Variants in PGAP3 observed in about 807,000 individuals in gnomAD.
PGAP3 encodes the protein post-GPI attachment to proteins phospholipase 3.
PGAP3 carries 31 observed loss-of-function variants against 40.3 expected under a neutral mutation model. The observed-to-expected ratio is 0.77, with a 90% CI of 0.58 to 1.04. The LOEUF (loss-of-function observed/expected upper bound fraction) is 1.04, where lower values mean the gene tolerates loss of function less well. Ranked by LOEUF, PGAP3 falls within the 50% of genes least tolerant of loss-of-function variation. PGAP3 has a pLI of 0.00. For missense variants in PGAP3, 413 were observed against 423.0 expected (o/e 0.98, Z 0.21); for synonymous variants, 191 against 184.5 (o/e 1.04, Z -0.29).
chr17:39,685,059 C>T (rs935771110), intron 2 of PGAP3, among the ~76,000 whole-genome samples: 2 of 152,182 alleles, frequency 1.3e-5, no homozygotes, highest in African/African-American at 4.8e-5. Context: ...ATCCAGAAGA[C>T]ACAGGTCCCA....
intron 3 of PGAP3, among the ~76,000 whole-genome samples, chr17:39,677,441 T>C (rs575331058): frequency 1.3e-5 from 2 of 152,256 alleles, no homozygotes; most frequent in African/African-American, 4.8e-5. Context: ...TCCTCCTTCC[T>C]CTGGAGCCAT....
chr17:39,677,584 C>T (rs1478171408), intron 3 of PGAP3, among the ~76,000 whole-genome samples: 1 of 152,114 alleles, frequency 6.6e-6, no homozygotes, highest in African/African-American at 2.4e-5. Context: ...TACTCTCGGA[C>T]TCCTTGCCAC....
chr17:39,686,774 G>C (rs562601900), intron 1 of PGAP3, among the ~76,000 whole-genome samples: 20 of 152,052 alleles, frequency 1.3e-4, no homozygotes, highest in African/African-American at 4.6e-4. Context: ...TTGAACTCCA[G>C]GGCTCAGATG....
rs780641457 is a variant in PGAP3 at position 39,684,736 on chromosome 17, C to T, written c.293G>A (p.Arg98Gln). 9 of 1,606,406 alleles carry T rather than the reference C, an allele frequency of 5.6e-6. No homozygotes were observed. Among genetic ancestry groups the T allele is most frequent in the African/African-American group, 1.3e-5 (1 of 74,700 alleles). The change falls in exon 3 of 8, where the codon CGG (arginine) becomes CAG (glutamine). Residue 98 changes from arginine to glutamine, a missense_variant. Transcript: ENST00000300658. ...PQFHGKWPFS[R>Q]FLFFQEPASA... Reference sequence around the variant, plus strand: ...TGCCGGCTCTTGAAAGAACAGGAACCGGGAGAAGGGCCACTGAAAAAGGAG... The same window carrying T: ...TGCCGGCTCTTGAAAGAACAGGAACTGGGAGAAGGGCCACTGAAAAAGGAG...
intron 1 of PGAP3, 125 bp downstream of exon 1, chr17:39,687,709 C>T (rs954773498): frequency 2.2e-5 from 15 of 682,936 alleles, no homozygotes; most frequent in Non-Finnish European, 3.2e-5. Context: ...ACCTTAGGGG[C>T]TTCACTCACA....
chr17:39,673,266 G>C lies in PGAP3; in HGVS notation c.695-11C>G. On this transcript the variant is annotated splice_polypyrimidine_tract_variant and intron_variant, in intron 6 of 7. Transcript: ENST00000300658. ...CCACGTTGACCAGGCCTGGGTGCCA[G>C]TGGGGGCAGGAGAGACTCATTCCTT... 4 of 1,556,536 alleles carry C rather than the reference G, an allele frequency of 2.6e-6. No individual in the cohort carries two copies. The highest frequency in any genetic ancestry group is 3.5e-6 in the Non-Finnish European group (4 of 1,150,594).
chr17:39,674,114 G>A, intron 4 of PGAP3, 60 bp from the exon 5 acceptor site: 1 of 1,547,262 alleles, frequency 6.5e-7, no homozygotes, highest in South Asian at 1.1e-5. Context: ...GGACCCGCGG[G>A]GATGGGGGCA....
At chr17:39,679,560 C>T (rs1251361637) in intron 3 of PGAP3, among the ~76,000 whole-genome samples, 2 of 152,166 alleles carry the variant, frequency 1.3e-5, no homozygotes, top group African/African-American at 4.8e-5. Flanking sequence ...AAGCAGTGTC[C>T]GTGGAAGAAC....
At position 39,672,112 on chromosome 17, in the gene PGAP3, G is replaced by C. The variant is rs1350259046; in HGVS notation, c.*691C>G. On this transcript the variant is annotated 3_prime_UTR_variant, in exon 8 of 8. Transcript: ENST00000300658. The stretch of plus-strand genomic sequence containing the variant: ...GCCCTGTCACCTATGCACTCAGCCT[G>C]GCCCACACTCCCGACACACGGTGGC... The C allele has an allele frequency of 4.5e-5, 7 of 154,032 alleles. No homozygotes were observed. The highest frequency in any genetic ancestry group is 1.7e-4 in the African/African-American group (7 of 41,424). 9.5% of individuals were successfully genotyped at this position (154,032 alleles called of 1,614,324 possible).
chr17:39,672,973 A>G (rs1310165959), intron 7 of PGAP3, 78 bp downstream of exon 7: 11 of 1,573,188 alleles, frequency 7.0e-6, no homozygotes, highest in Non-Finnish European at 9.5e-6. Context: ...ATGGGCACAC[A>G]GAGCCCCCAA....
At position 39,684,722 on chromosome 17, in the gene PGAP3, G is replaced by T; in HGVS notation, c.307C>A (p.Gln103Lys). 2 of 1,610,866 alleles carry T rather than the reference G, an allele frequency of 1.2e-6. No homozygotes were observed. Among genetic ancestry groups the T allele is most frequent in the Non-Finnish European group, 1.7e-6 (2 of 1,178,638 alleles). Residue 103 changes from glutamine (Q) to lysine (K), a missense_variant, in exon 3 of 8, where the codon CAA becomes AAA. By Grantham distance (53) the Gln-to-Lys change is moderately conservative (BLOSUM62 1). Coordinates refer to ENST00000300658, the MANE Select transcript of PGAP3 (RefSeq NM_033419.5). ...KWPFSRFLFF[Q>K]EPASAVASFL... ...GAGGCCACGGCCGATGCCGGCTCTT[G>T]AAAGAACAGGAACCGGGAGAAGGGC...
chr17:39,673,884 G>T, intron 5 of PGAP3, 109 bp downstream of exon 5: 1 of 1,358,852 alleles, frequency 7.4e-7, no homozygotes, highest in Non-Finnish European at 1.0e-6. Flanking sequence ...GGGGTTGGGG[G>T]GCGTAGGTGT....
chr17:39,675,405 G>T (rs1343800613), intron 3 of PGAP3, among the ~76,000 whole-genome samples: 1 of 152,238 alleles, frequency 6.6e-6, no homozygotes, highest in East Asian at 1.9e-4. Flanking sequence ...AGAGCTTGTG[G>T]GCGTTGGTGC....
At chr17:39,675,065 C>A (rs1167323694) in intron 3 of PGAP3, among the ~76,000 whole-genome samples, 1 of 151,472 alleles carries the variant, frequency 6.6e-6, no homozygotes, top group East Asian at 1.9e-4. Flanking sequence ...CCCAGGGGAG[C>A]CAGTGACCTC....
chr17:39,672,915 G>A (rs760727655), intron 7 of PGAP3, 49 bp from the exon 8 acceptor site: 15 of 1,601,124 alleles, frequency 9.4e-6, no homozygotes, highest in East Asian at 4.5e-5. Flanking sequence ...CTGACAGCTC[G>A]CATGGAGACA....
rs776007577 is a variant in PGAP3 at position 39,672,761 on chromosome 17, C to T, written c.*42G>A. 14 of 1,579,480 alleles carry T rather than the reference C, an allele frequency of 8.9e-6. No homozygotes were observed. The highest frequency in any genetic ancestry group is 5.4e-5 in the African/African-American group (4 of 74,272). On this transcript the variant is annotated 3_prime_UTR_variant, in exon 8 of 8. Coordinates refer to ENST00000300658, the MANE Select transcript of PGAP3 (RefSeq NM_033419.5). Reference sequence around the variant, plus strand: ...GAGGGGAGAAGGGAGGCCAGCAGGGCGGGGGCAGGATCCCCACTGGGGCAG... The same window carrying T: ...GAGGGGAGAAGGGAGGCCAGCAGGGTGGGGGCAGGATCCCCACTGGGGCAG...
At position 39,687,908 on chromosome 17, in the gene PGAP3, C is replaced by T; in HGVS notation, c.107G>A (p.Cys36Tyr). The T allele has an allele frequency of 6.6e-7, 1 of 1,516,394 alleles. No individual in the cohort carries two copies. 93.9% of individuals were successfully genotyped at this position (1,516,394 alleles called of 1,614,324 possible). A position where few individuals can be genotyped will look rare whatever the true frequency, so the allele number is the denominator to read the frequency against. Residue 36 changes from cysteine to tyrosine, a missense_variant, in exon 1 of 8, where the codon TGC (cysteine) becomes TAC (tyrosine). Transcript: ENST00000300658. ...EPVYRDCVLQCEEQNCSGGAL... is the reference protein window; with the variant it reads ...EPVYRDCVLQYEEQNCSGGAL... ...GCCCCCAGAGCAGTTCTGCTCTTCG[C>T]ACTGCAGTACGCAGTCGCGGTACAC...
intron 3 of PGAP3, among the ~76,000 whole-genome samples, chr17:39,675,943 C>A (rs892447891): frequency 6.6e-6 from 1 of 152,180 alleles, no homozygotes. Context: ...AAGCTTCCCC[C>A]GGGACAAATC....
In PGAP3 at chr17:39,673,637, G is replaced by A; in HGVS notation, c.571C>T (p.Gln191Ter). 6.2e-7 allele frequency: 1 copy of A among 1,613,996 alleles called. No individual in the cohort carries two copies. The highest frequency in any genetic ancestry group is 8.5e-7 in the Non-Finnish European group (1 of 1,180,002). ...AAGGCACTGACCACAGCTGGGTGCTGCAGCCCCACGGTCCTGCCCCACCGT... is the reference window on the plus strand; with the variant it reads ...AAGGCACTGACCACAGCTGGGTGCTACAGCCCCACGGTCCTGCCCCACCGT... The part of the protein sequence containing the change: ...YLCCVRTVGL[Q>*]HPAVVSAFRA... The change falls in exon 6 of 8, where the codon CAG (glutamine) becomes TAG (stop). Residue 191 changes from glutamine to a stop codon, truncating the protein, a stop_gained. Transcript: ENST00000300658. LOFTEE classifies it high-confidence loss of function.
Sources: gnomAD v4.1 joint callset for allele counts (sites outside exome capture counted in the v4.1 genomes callset) on GRCh38, gnomAD v4.1.1 for gene constraint, MANE v1.5 for transcripts, NCBI Gene and HGNC (gene_info 2026-07-23, HGNC 2026-07-21) for gene names.